Variants in MTMR12 observed in about 807,000 individuals in gnomAD.
The protein encoded by MTMR12 is myotubularin-related protein 12.
A neutral mutation model predicts 96.7 loss-of-function variants in MTMR12; 33 were observed. The ratio of observed to expected loss-of-function variants is 0.34; its 90% CI spans 0.26 to 0.46. The LOEUF (loss-of-function observed/expected upper bound fraction) is 0.46, where lower values mean the gene tolerates loss of function less well. Among genes scored for constraint, MTMR12 ranks in the 20% least tolerant of loss-of-function variants. The probability of loss-of-function intolerance (pLI) is 1.00; values close to 1 mark genes in which losing one functional copy is unlikely to be tolerated. For synonymous variants in MTMR12, 298 were observed against 327.2 expected, an observed-to-expected ratio of 0.91 and a Z score of 0.96; for missense variants, 721 against 896.1, an observed-to-expected ratio of 0.80 and a Z score of 2.49.
At chr5:32,291,120 C>T (rs1160591316) in intron 1 of MTMR12, among the ~76,000 whole-genome samples, 1 of 152,178 alleles carries the variant, frequency 6.6e-6, no homozygotes, top group East Asian at 1.9e-4. Context: ...ACCTTCTGTT[C>T]CCCAGCCTGC....
chr5:32,286,535 T>C (rs1750546215), intron 1 of MTMR12, among the ~76,000 whole-genome samples: 1 of 150,844 alleles, frequency 6.6e-6, no homozygotes, highest in Non-Finnish European at 1.5e-5. Flanking sequence ...AAAAAAAGGA[T>C]TGACTTTTGC....
At chr5:32,296,748 C>G (rs1482807994) in intron 1 of MTMR12, among the ~76,000 whole-genome samples, 2 of 150,838 alleles carry the variant, frequency 1.3e-5, no homozygotes, top group Admixed American at 1.3e-4. Context: ...TTGCAGTGAG[C>G]TATGATCATG....
At chr5:32,275,073 T>C (rs985931623) in intron 2 of MTMR12, among the ~76,000 whole-genome samples, 1 of 152,134 alleles carries the variant, frequency 6.6e-6, no homozygotes, top group African/African-American at 2.4e-5. Context: ...ACTTGATAGC[T>C]CCTTCAAGGT....
chr5:32,269,311 A>G (rs538930562), intron 5 of MTMR12, among the ~76,000 whole-genome samples: 27 of 150,220 alleles, frequency 1.8e-4, no homozygotes, highest in Non-Finnish European at 3.3e-4. Flanking sequence ...ACAGGCATGA[A>G]CCATCCTGCC....
chr5:32,289,856 A>G (rs2034665857), intron 1 of MTMR12, among the ~76,000 whole-genome samples: 1 of 152,212 alleles, frequency 6.6e-6, no homozygotes, highest in African/African-American at 2.4e-5. Context: ...AAAATAGTAA[A>G]TCGAAAACAG....
At chr5:32,293,559 A>G (rs560668126) in intron 1 of MTMR12, among the ~76,000 whole-genome samples, 65 of 152,248 alleles carry the variant, frequency 4.3e-4, no homozygotes, top group African/African-American at 1.5e-3. Context: ...CCAGATATAT[A>G]TAGGAGATAT....
chr5:32,232,108 T>A (rs765715762), intron 15 of MTMR12, among the ~76,000 whole-genome samples: 1 of 152,214 alleles, frequency 6.6e-6, no homozygotes, highest in Non-Finnish European at 1.5e-5. Flanking sequence ...CCAGCAGCTC[T>A]GCAGGCCAAA....
At chr5:32,268,626 T>C (rs1749701944) in intron 6 of MTMR12, 75 bp downstream of exon 6, 3 of 1,251,024 alleles carry the variant, frequency 2.4e-6, no homozygotes, top group African/African-American at 3.0e-5. Context: ...CATAGATGTG[T>C]TCTCCCCCAC....
At chr5:32,247,315 C>T (rs928197371) in intron 10 of MTMR12, among the ~76,000 whole-genome samples, 5 of 152,128 alleles carry the variant, frequency 3.3e-5, no homozygotes, top group Non-Finnish European at 5.9e-5. Flanking sequence ...CATGCCACTG[C>T]ACTCCAGTCT....
chr5:32,299,835 G>T (rs1561811634), intron 1 of MTMR12, among the ~76,000 whole-genome samples: 1 of 152,200 alleles, frequency 6.6e-6, no homozygotes, highest in Non-Finnish European at 1.5e-5. Context: ...ATGTCACCCA[G>T]TCCTAACACA....
chr5:32,294,227 T>A (rs907212748), intron 1 of MTMR12, among the ~76,000 whole-genome samples: 5 of 152,156 alleles, frequency 3.3e-5, no homozygotes, highest in Non-Finnish European at 7.3e-5. Flanking sequence ...ACTCTCTCCA[T>A]CAGAACACTG....
At chr5:32,230,380 T>C in intron 15 of MTMR12, 33 bp from the exon 16 acceptor site, 1 of 1,551,608 alleles carries the variant, frequency 6.4e-7, no homozygotes, top group Non-Finnish European at 8.7e-7. Flanking sequence ...AAATCACTGG[T>C]TAACATAACA....
intron 1 of MTMR12, among the ~76,000 whole-genome samples, chr5:32,296,995 T>C (rs1271169441): frequency 6.6e-5 from 10 of 150,406 alleles, no homozygotes; most frequent in Non-Finnish European, 1.3e-4. Flanking sequence ...CCCAGCTACT[T>C]GGGAGGCTGA....
intron 10 of MTMR12, among the ~76,000 whole-genome samples, chr5:32,244,619 A>C (rs952328588): frequency 1.4e-4 from 22 of 152,156 alleles, no homozygotes; most frequent in African/African-American, 4.6e-4. Context: ...AAAGTTGCAA[A>C]CTCAAATCAA....
At chr5:32,235,219 A>G in intron 13 of MTMR12, 90 bp from the exon 14 acceptor site, 1 of 1,252,542 alleles carries the variant, frequency 8.0e-7, no homozygotes, top group Non-Finnish European at 1.1e-6. Context: ...CAGCTGTGGA[A>G]TAAGCACTTC....
chr5:32,258,747 A>T (rs75480913), intron 7 of MTMR12, among the ~76,000 whole-genome samples: 2,348 of 152,264 alleles, frequency 0.015, 32 homozygotes, highest in Non-Finnish European at 0.024. Context: ...GCAGTTGTTT[A>T]AACCAGATCC....
chr5:32,242,292 AT>A (rs1230573991), intron 11 of MTMR12, among the ~76,000 whole-genome samples, 165 bp from the exon 12 acceptor site: 1 of 151,790 alleles, frequency 6.6e-6, no homozygotes, highest in Non-Finnish European at 1.5e-5. Context: ...CATTTACATT[AT>A]TTAGATACTG....
chr5:32,262,770 A>T (rs1464081844), intron 7 of MTMR12, among the ~76,000 whole-genome samples: 1 of 152,236 alleles, frequency 6.6e-6, no homozygotes, highest in African/African-American at 2.4e-5. Context: ...AGATTCTGAT[A>T]CAAGCTGCAA....
chr5:32,259,864 C>A (rs1212745280), intron 7 of MTMR12, among the ~76,000 whole-genome samples: 1 of 151,826 alleles, frequency 6.6e-6, no homozygotes, highest in African/African-American at 2.4e-5. Flanking sequence ...GGTGAAACCC[C>A]GTCTCTACCA....
Sources: gnomAD v4.1 joint callset for allele counts (sites outside exome capture counted in the v4.1 genomes callset) on GRCh38, gnomAD v4.1.1 for gene constraint, MANE v1.5 for transcripts, NCBI Gene and HGNC (gene_info 2026-07-23, HGNC 2026-07-21) for gene names.